Variants in SPSB1 observed in about 807,000 individuals in gnomAD.
SPSB1 encodes SPRY domain-containing SOCS box protein 1.
SPSB1 carries 8 observed loss-of-function variants against 21.2 expected under a neutral mutation model. That is an observed-to-expected ratio of 0.38 (90% CI 0.22 to 0.68). SPSB1 has a LOEUF of 0.68. Ranked by LOEUF, SPSB1 falls within the 30% of genes least tolerant of loss-of-function variation. The pLI, the probability that SPSB1 is intolerant of heterozygous loss-of-function variation, is 0.53. For synonymous variants in SPSB1, 169 were observed against 161.7 expected, an observed-to-expected ratio of 1.05 and a Z score of -0.34; for missense variants, 242 against 377.8, an observed-to-expected ratio of 0.64 and a Z score of 2.98.
At chr1:9,296,126 G>A (rs765583689) in intron 1 of SPSB1, among the ~76,000 whole-genome samples, 1 of 152,146 alleles carries the variant, frequency 6.6e-6, no homozygotes. Flanking sequence ...CTTTATGGAC[G>A]TGACTTTGTT....
At chr1:9,316,866 C>T (rs1227343244) in intron 1 of SPSB1, among the ~76,000 whole-genome samples, 1 of 152,182 alleles carries the variant, frequency 6.6e-6, no homozygotes, top group Non-Finnish European at 1.5e-5. Context: ...ACCTTGTGAC[C>T]TCTCTGAGCC....
intron 2 of SPSB1, among the ~76,000 whole-genome samples, chr1:9,357,715 C>G (rs535458286): frequency 6.6e-6 from 1 of 152,328 alleles, no homozygotes; most frequent in Non-Finnish European, 1.5e-5. Flanking sequence ...TGGCCTTTCT[C>G]AGACTGTGAA....
chr1:9,299,770 C>T (rs930742334), intron 1 of SPSB1, among the ~76,000 whole-genome samples: 1 of 151,900 alleles, frequency 6.6e-6, no homozygotes, highest in Non-Finnish European at 1.5e-5. Context: ...TGAGCCACTG[C>T]GCCCGGGCCG....
At chr1:9,343,859 C>T (rs1026645968) in intron 1 of SPSB1, among the ~76,000 whole-genome samples, 3 of 152,160 alleles carry the variant, frequency 2.0e-5, no homozygotes, top group Non-Finnish European at 2.9e-5. Flanking sequence ...GATCTCGGCT[C>T]ACTGAAAGCT....
chr1:9,333,424 A>G (rs973297279), intron 1 of SPSB1, among the ~76,000 whole-genome samples: 6 of 148,706 alleles, frequency 4.0e-5, no homozygotes, highest in Non-Finnish European at 3.0e-5. Context: ...TCCGCCTCCC[A>G]GGTTCAGGCG....
rs892594898 is a variant in SPSB1, at chr1:9,293,933, TGA to T, written c.-150+864_-150+865del. Among the ~76,000 whole-genome samples the T allele has an allele frequency of 7.2e-4, 110 of 152,228 alleles. 1 individual carries two copies. The highest frequency in any genetic ancestry group is 3.9e-3 in the South Asian group (19 of 4,830). ...CTGTGTGTTCATGTGGGTGTGTGTG[TGA>T]GTGTGTCTCTAAGTGCATCTGTGTA... is the stretch of plus-strand genomic sequence containing the variant. On this transcript the variant is annotated intron_variant, in intron 1 of 2. Transcript: ENST00000328089. The surrounding 1 kb of genome is among the most constrained non-coding windows in gnomAD (Gnocchi z 5.1).
chr1:9,293,136 G>A lies in SPSB1; in HGVS notation c.-150+65G>A. 1.0e-6 allele frequency: 1 copy of A among 974,752 alleles called. No homozygotes were observed. Among genetic ancestry groups the A allele is most frequent in the Middle Eastern group, 5.3e-4 (1 of 1,900 alleles). 60.4% of individuals were successfully genotyped at this position (974,752 alleles called of 1,614,324 possible). A position where few individuals can be genotyped will look rare whatever the true frequency, so the allele number is the denominator to read the frequency against. Reference sequence around the variant, plus strand: ...GACCGGCCCGGGAGGGGGAGGCGCGGGGGGCCGGGCGAGGGCGGACGCGGG... The same window carrying A: ...GACCGGCCCGGGAGGGGGAGGCGCGAGGGGCCGGGCGAGGGCGGACGCGGG... On this transcript the variant is annotated intron_variant, in intron 1 of 2. Coordinates refer to ENST00000328089, the MANE Select transcript of SPSB1 (RefSeq NM_025106.4). The surrounding 1 kb of genome is among the most constrained non-coding windows in gnomAD (Gnocchi z 5.1).
rs983715580 is a variant in SPSB1, at chr1:9,317,926, G to A, written c.-150+24855G>A. On this transcript the variant is annotated intron_variant, in intron 1 of 2. Coordinates refer to ENST00000328089, the MANE Select transcript of SPSB1 (RefSeq NM_025106.4). The surrounding 1 kb of genome is among the most constrained non-coding windows in gnomAD (Gnocchi z 4.3). ...TTCCTTGGCACACCATTCGCTCCGC[G>A]AGTTTGTTAAGGGCCCCTGTGTGCC... Among the ~76,000 whole-genome samples, 4 of 151,442 alleles carry A rather than the reference G, an allele frequency of 2.6e-5. No homozygotes were observed. The highest frequency in any genetic ancestry group is 7.3e-5 in the African/African-American group (3 of 41,126).
rs369321807 is a variant in SPSB1 at position 9,356,623 on chromosome 1, C to G, written c.694+38C>G. ...TCTGCTGTCAGAGGCAATGCCCTCC[C>G]TCAGTCCCCATGGTCCTGGCTGGGC... On this transcript the variant is annotated intron_variant, in intron 2 of 2. Coordinates refer to ENST00000328089, the MANE Select transcript of SPSB1 (RefSeq NM_025106.4). This position sits in a 1 kb window ranked among gnomAD's most constrained non-coding sequence, Gnocchi z 7.4. 1 of 1,553,206 alleles carries G rather than the reference C, an allele frequency of 6.4e-7. No individual in the cohort carries two copies. Among genetic ancestry groups the G allele is most frequent in the Non-Finnish European group, 8.7e-7 (1 of 1,147,410 alleles).
chr1:9,303,916 C>T (rs910052452), intron 1 of SPSB1, among the ~76,000 whole-genome samples: 1 of 152,218 alleles, frequency 6.6e-6, no homozygotes, highest in African/African-American at 2.4e-5. Context: ...GAGCCCATCC[C>T]TTTTCTGCTG....
chr1:9,342,909 G>A (rs758660428), intron 1 of SPSB1, among the ~76,000 whole-genome samples: 2 of 152,254 alleles, frequency 1.3e-5, no homozygotes, highest in Non-Finnish European at 2.9e-5. Context: ...GTCCTTTTGT[G>A]TAACCCTGGC....
chr1:9,357,097 A>T (rs867125491), intron 2 of SPSB1, among the ~76,000 whole-genome samples: 1 of 91,582 alleles, frequency 1.1e-5, no homozygotes, highest in Non-Finnish European at 2.4e-5. Flanking sequence ...GGGTGGATGG[A>T]TGGATGGATG....
At chr1:9,328,535 G>A (rs112792913) in intron 1 of SPSB1, among the ~76,000 whole-genome samples, 7 of 152,284 alleles carry the variant, frequency 4.6e-5, no homozygotes, top group Admixed American at 3.3e-4. Context: ...TCAATGCTTC[G>A]TTTTATAAAC....
At chr1:9,334,674 C>T (rs1569616886) in intron 1 of SPSB1, among the ~76,000 whole-genome samples, 1 of 151,990 alleles carries the variant, frequency 6.6e-6, no homozygotes, top group East Asian at 1.9e-4. Context: ...CATTCCTGCT[C>T]CCCGGAGCTC....
intron 1 of SPSB1, among the ~76,000 whole-genome samples, chr1:9,340,886 G>A (rs994235836): frequency 2.6e-5 from 4 of 152,228 alleles, no homozygotes; most frequent in Admixed American, 2.6e-4. Flanking sequence ...GTCCTCCTGT[G>A]TACCTGGCTG....
At chr1:9,298,890 G>GCCAAGTGGAA (rs944125305) in intron 1 of SPSB1, among the ~76,000 whole-genome samples, 28 of 152,224 alleles carry the variant, frequency 1.8e-4, no homozygotes, top group Non-Finnish European at 8.8e-5. Flanking sequence ...GGTGGGAAAG[G>GCCAAGTGGAA]CCAAGTGGAA....
chr1:9,331,987 T>C (rs1255763356), intron 1 of SPSB1, among the ~76,000 whole-genome samples: 1 of 152,216 alleles, frequency 6.6e-6, no homozygotes, highest in Non-Finnish European at 1.5e-5. Flanking sequence ...TGTGCCAAAC[T>C]GTTGACAGTT....
rs1230169062 is a variant in SPSB1, at chr1:9,293,511, C to A, written c.-150+440C>A. Among the ~76,000 whole-genome samples, 1 of 151,540 alleles carries A rather than the reference C, an allele frequency of 6.6e-6. No homozygotes were observed. Among genetic ancestry groups the A allele is most frequent in the Non-Finnish European group, 1.5e-5 (1 of 67,814 alleles). Reference sequence around the variant, plus strand: ...GTTAGTTTCGCTTTTCCCGCCAGTCCGAGTCGGGATTGGCGGCGCGGCCCG... The same window carrying A: ...GTTAGTTTCGCTTTTCCCGCCAGTCAGAGTCGGGATTGGCGGCGCGGCCCG... On this transcript the variant is annotated intron_variant, in intron 1 of 2. Coordinates refer to ENST00000328089, the MANE Select transcript of SPSB1 (RefSeq NM_025106.4). The surrounding 1 kb of genome is among the most constrained non-coding windows in gnomAD (Gnocchi z 5.1).
chr1:9,318,621 G>T (rs529737713), intron 1 of SPSB1, among the ~76,000 whole-genome samples: 5 of 152,342 alleles, frequency 3.3e-5, no homozygotes, highest in African/African-American at 9.6e-5. Context: ...GACTTACCTT[G>T]CGGAATCGTG....
Sources: allele counts gnomAD v4.1 joint callset (sites outside exome capture counted in the v4.1 genomes callset), GRCh38; gene constraint gnomAD v4.1.1; non-coding constraint Gnocchi (gnomAD v3.1); transcripts MANE v1.5; gene names NCBI Gene and HGNC (gene_info 2026-07-23, HGNC 2026-07-21).